BTBD3: variants seen among roughly 807,000 people sequenced by gnomAD.
BTBD3 encodes the protein BTB/POZ domain-containing protein 3.
BTBD3 carries 14 observed loss-of-function variants against 41.6 expected under a neutral mutation model. The ratio of observed to expected loss-of-function variants is 0.34; its 90% CI spans 0.22 to 0.53. BTBD3 has a LOEUF of 0.53. Among genes scored for constraint, BTBD3 ranks in the 20% least tolerant of loss-of-function variants. The pLI, the probability that BTBD3 is intolerant of heterozygous loss-of-function variation, is 0.95. For synonymous variants in BTBD3, 249 were observed against 233.7 expected (o/e 1.07, Z -0.60); for missense variants, 426 against 654.7 (o/e 0.65, Z 3.81).
At chr20:11,896,986 G>A (rs555057652) in intron 1 of BTBD3, among the ~76,000 whole-genome samples, 3 of 152,208 alleles carry the variant, frequency 2.0e-5, no homozygotes, top group African/African-American at 4.8e-5. Context: ...AGTATTTGAT[G>A]TAATTTGTTA....
At chr20:11,907,984 A>G (rs2056866277) in intron 1 of BTBD3, among the ~76,000 whole-genome samples, 1 of 152,160 alleles carries the variant, frequency 6.6e-6, no homozygotes, top group African/African-American at 2.4e-5. Flanking sequence ...CTCAATTTAG[A>G]TGATAGCCCC....
At chr20:11,921,758 G>C (rs1173015674) in intron 3 of BTBD3, 1 of 152,192 alleles carries the variant, frequency 6.6e-6, no homozygotes, top group Non-Finnish European at 1.5e-5. Flanking sequence ...AGTTTTATGT[G>C]TTTCACTAAG....
intron 1 of BTBD3, chr20:11,909,788 AAAC>A (rs2056878461): frequency 6.6e-6 from 1 of 152,312 alleles, no homozygotes; most frequent in Non-Finnish European, 1.5e-5. Context: ...AAACAAAACA[AAAC>A]AACAAAATAA....
chr20:11,923,765 A>G lies in BTBD3; in HGVS notation c.*99A>G. 1 of 1,186,480 alleles carries G rather than the reference A, an allele frequency of 8.4e-7. No individual in the cohort carries two copies. Among genetic ancestry groups the G allele is most frequent in the South Asian group, 1.5e-5 (1 of 67,238 alleles). 73.5% of individuals were successfully genotyped at this position (1,186,480 alleles called of 1,614,324 possible). On this transcript the variant is annotated 3_prime_UTR_variant, in exon 4 of 4. Coordinates refer to ENST00000378226, the MANE Select transcript of BTBD3 (RefSeq NM_014962.4). The surrounding 1 kb of genome is among the most constrained non-coding windows in gnomAD (Gnocchi z 5.3). ...TGCAAATATGTGATCAGTGCCGGTAATTTGTAATGAATGAAGCGGTAGGCA... is the reference window on the plus strand; with the variant it reads ...TGCAAATATGTGATCAGTGCCGGTAGTTTGTAATGAATGAAGCGGTAGGCA...
upstream of BTBD3, among the ~76,000 whole-genome samples, chr20:11,915,023 T>G (rs574789146): frequency 3.3e-5 from 5 of 152,212 alleles, no homozygotes; most frequent in South Asian, 1.0e-3. Flanking sequence ...ATACTCGCCT[T>G]TCTCTATTTT....
upstream of BTBD3, chr20:11,913,330 G>A (rs2056900403): frequency 6.6e-6 from 1 of 152,184 alleles, no homozygotes; most frequent in African/African-American, 2.4e-5. Context: ...AGCCTCTTCT[G>A]TTTTTGAGCA....
In BTBD3 at chr20:11,895,694, T is replaced by G. The variant is rs550107931; in HGVS notation, c.-126+4740T>G. Among the ~76,000 whole-genome samples, 679 of 152,294 alleles carry G rather than the reference T, an allele frequency of 4.5e-3. 5 individuals are homozygous for G. Among genetic ancestry groups the G allele is most frequent in the Middle Eastern group, 0.01 (3 of 294 alleles). On this transcript the variant is annotated intron_variant, in intron 1 of 4. Coordinates refer to the BTBD3 transcript ENST00000254977. The stretch of plus-strand genomic sequence containing the variant: ...GAACAAATCTCTAGTCTTGCTAGGT[T>G]CTAGGATTGTCTGCCAATGGTCTAC...
chr20:11,917,619 GA>G (rs1253631914), upstream of BTBD3, among the ~76,000 whole-genome samples: 1 of 152,160 alleles, frequency 6.6e-6, no homozygotes, highest in East Asian at 1.9e-4. Context: ...CTTAACTGGG[GA>G]CATAATGTAT....
chr20:11,919,739 T>A lies in BTBD3; in HGVS notation c.439T>A (p.Ser147Thr). The A allele has an allele frequency of 6.2e-7, 1 of 1,614,164 alleles. No individual in the cohort carries two copies. Among genetic ancestry groups the A allele is most frequent in the Non-Finnish European group, 8.5e-7 (1 of 1,180,006 alleles). Residue 147 changes from serine to threonine, a missense_variant, in exon 3 of 4, where the codon TCT (serine) becomes ACT (threonine). Coordinates refer to ENST00000378226, the MANE Select transcript of BTBD3 (RefSeq NM_014962.4). Reference protein sequence around the residue: ...GHKYVLAVGSSVFHAMFYGEL... With the variant: ...GHKYVLAVGSTVFHAMFYGEL... ...ACAGTATGTTTTAGCTGTTGGGAGCTCTGTGTTCCATGCGATGTTTTACGG... is the reference window on the plus strand; with the variant it reads ...ACAGTATGTTTTAGCTGTTGGGAGCACTGTGTTCCATGCGATGTTTTACGG...
chr20:11,910,829 C>A (rs73088021), intron 1 of BTBD3, among the ~76,000 whole-genome samples: 4,606 of 152,216 alleles, frequency 0.03, 104 homozygotes, highest in Non-Finnish European at 0.05. Context: ...TCTTACCAGT[C>A]CTGGCAATGC....
At chr20:11,898,161 A>G (rs2090480493) in intron 1 of BTBD3, among the ~76,000 whole-genome samples, 2 of 152,108 alleles carry the variant, frequency 1.3e-5, no homozygotes, top group Admixed American at 1.3e-4. Context: ...GATTCTGTCT[A>G]CAAATAAATA....
chr20:11,898,227 C>T (rs1158347583), intron 1 of BTBD3, among the ~76,000 whole-genome samples: 1 of 152,102 alleles, frequency 6.6e-6, no homozygotes, highest in Non-Finnish European at 1.5e-5. Context: ...CTGACCTCTT[C>T]TCCCGCTTGT....
At chr20:11,897,346 C>T (rs1377104682) in intron 1 of BTBD3, among the ~76,000 whole-genome samples, 2 of 152,146 alleles carry the variant, frequency 1.3e-5, no homozygotes, top group Non-Finnish European at 2.9e-5. Context: ...TGATCTTTCT[C>T]TGCAAACCTG....
chr20:11,916,575 G>A (rs116111512), upstream of BTBD3, among the ~76,000 whole-genome samples: 1,505 of 152,228 alleles, frequency 9.9e-3, 28 homozygotes, highest in African/African-American at 0.034. Flanking sequence ...CAATAAAGAG[G>A]ATATTTCTTG....
intron 1 of BTBD3, among the ~76,000 whole-genome samples, chr20:11,901,560 C>G (rs2056823774): frequency 6.6e-6 from 1 of 152,194 alleles, no homozygotes; most frequent in Non-Finnish European, 1.5e-5. Flanking sequence ...AGTAGATTGT[C>G]TAGTTAATTT....
At chr20:11,906,761 A>G (rs560658812) in intron 1 of BTBD3, among the ~76,000 whole-genome samples, 1 of 152,260 alleles carries the variant, frequency 6.6e-6, no homozygotes, top group South Asian at 2.1e-4. Context: ...CCATCTTAGA[A>G]TTGTGGTTTA....
chr20:11,922,854 G>A lies in BTBD3; in HGVS notation c.757G>A (p.Glu253Lys). 2 of 1,614,234 alleles carry A rather than the reference G, an allele frequency of 1.2e-6. No individual in the cohort carries two copies. Among genetic ancestry groups the A allele is most frequent in the Non-Finnish European group, 1.7e-6 (2 of 1,180,050 alleles). Reference protein sequence around the residue: ...RCWEVIDAQAELALKSEGFCD... With the variant: ...RCWEVIDAQAKLALKSEGFCD... ...CTGGGAGGTGATTGATGCCCAGGCT[G>A]AGTTAGCTCTCAAGTCTGAGGGATT... Residue 253 changes from glutamate (E) to lysine (K), a missense_variant, in exon 4 of 4, where the codon GAG becomes AAG. Physicochemically the swap from Glu to Lys is moderately conservative, Grantham distance 56. Transcript: ENST00000378226.
chr20:11,904,464 A>G (rs143418493), intron 1 of BTBD3, among the ~76,000 whole-genome samples: 2 of 152,226 alleles, frequency 1.3e-5, no homozygotes. Flanking sequence ...TGGGGACACA[A>G]ATCCAAACCA....
chr20:11,914,340 A>T (rs1172990006), upstream of BTBD3, among the ~76,000 whole-genome samples: 1 of 152,212 alleles, frequency 6.6e-6, no homozygotes, highest in African/African-American at 2.4e-5. Flanking sequence ...AAAATTTTGT[A>T]TATTCAAATC....
Sources: allele counts gnomAD v4.1 joint callset (sites outside exome capture counted in the v4.1 genomes callset), GRCh38; gene constraint gnomAD v4.1.1; non-coding constraint Gnocchi (gnomAD v3.1); transcripts MANE v1.5; gene names NCBI Gene and HGNC (gene_info 2026-07-23, HGNC 2026-07-21).